The following FGF12 variants were observed in gnomAD, a reference collection of about 807,000 sequenced individuals.
The protein encoded by FGF12 is fibroblast growth factor 12, also known as fibroblast growth factor 12B.
FGF12 carries 14 observed loss-of-function variants against 23.6 expected under a neutral mutation model. The ratio of observed to expected loss-of-function variants is 0.59; its 90% CI spans 0.39 to 0.93. The LOEUF is 0.93. Among genes scored for constraint, FGF12 ranks in the 40% least tolerant of loss-of-function variants. FGF12 has a pLI of 0.00. For synonymous variants in FGF12, 62 were observed against 77.3 expected (o/e 0.80, Z 1.04); for missense variants, 175 against 217.8 (o/e 0.80, Z 1.24).
At chr3:192,719,621 G>A (rs2055635) in intron 2 of FGF12, among the ~76,000 whole-genome samples, 53,619 of 151,716 alleles carry the variant, frequency 0.35, 11,991 homozygotes, top group African/African-American at 0.62. Context: ...TGTTGAACAT[G>A]TTTTGAAATG....
At chr3:192,440,273 G>A (rs1211957952) in intron 2 of FGF12, among the ~76,000 whole-genome samples, 10 of 152,126 alleles carry the variant, frequency 6.6e-5, no homozygotes. Flanking sequence ...TGAGATAAAT[G>A]AAAAACACTG....
chr3:192,693,538 T>C (rs1270440675), intron 2 of FGF12, among the ~76,000 whole-genome samples: 1 of 151,878 alleles, frequency 6.6e-6, no homozygotes. Flanking sequence ...AAAAACAATA[T>C]AGTACTACCA....
intron 4 of FGF12, among the ~76,000 whole-genome samples, chr3:192,313,232 A>G (rs1020556804): frequency 3.9e-5 from 6 of 152,198 alleles, no homozygotes. Flanking sequence ...TTTTACTTCC[A>G]ATGCCTAAGA....
chr3:192,603,227 A>G (rs887079173), intron 2 of FGF12, among the ~76,000 whole-genome samples: 1 of 152,192 alleles, frequency 6.6e-6, no homozygotes, highest in Non-Finnish European at 1.5e-5. Flanking sequence ...CCAAATAGGA[A>G]AATAAGAAGT....
chr3:192,386,117 C>T (rs1386711276), intron 2 of FGF12, among the ~76,000 whole-genome samples: 2 of 152,204 alleles, frequency 1.3e-5, no homozygotes, highest in Admixed American at 1.3e-4. Context: ...AAATGACACA[C>T]ATCTAATTAG....
intron 4 of FGF12, among the ~76,000 whole-genome samples, chr3:192,191,777 A>G (rs566838373): frequency 6.0e-4 from 91 of 151,938 alleles, no homozygotes; most frequent in African/African-American, 2.1e-3. Context: ...TGGAGCTTGC[A>G]GTGAGCAGAG....
intron 4 of FGF12, among the ~76,000 whole-genome samples, chr3:192,329,148 C>A (rs1310566107): frequency 2.6e-5 from 4 of 152,076 alleles, no homozygotes; most frequent in African/African-American, 9.7e-5. Flanking sequence ...GCCCAGATAG[C>A]AAAGATGAAT....
At chr3:192,634,864 T>C (rs1178512548) in intron 2 of FGF12, among the ~76,000 whole-genome samples, 1 of 152,084 alleles carries the variant, frequency 6.6e-6, no homozygotes, top group Admixed American at 6.6e-5. Flanking sequence ...TGAGAATAAT[T>C]TTTTTTCTTT....
intron 4 of FGF12, among the ~76,000 whole-genome samples, chr3:192,178,535 G>A (rs1715988106): frequency 6.6e-6 from 1 of 151,870 alleles, no homozygotes; most frequent in Non-Finnish European, 1.5e-5. Context: ...GTCTCGCTCT[G>A]TCACCCAGGC....
intron 2 of FGF12, among the ~76,000 whole-genome samples, chr3:192,472,529 A>G (rs1378860198): frequency 6.6e-6 from 1 of 152,038 alleles, no homozygotes; most frequent in Non-Finnish European, 1.5e-5. Flanking sequence ...GTCTTCTGCT[A>G]GAGTCCAAAG....
At chr3:192,149,825 T>C (rs1466359628) in intron 5 of FGF12, among the ~76,000 whole-genome samples, 1 of 68,770 alleles carries the variant, frequency 1.5e-5, no homozygotes, top group African/African-American at 4.3e-5. Context: ...TTTGGGTATA[T>C]ACCCAGTAAT....
At chr3:192,280,396 C>T (rs1714072682) in intron 4 of FGF12, among the ~76,000 whole-genome samples, 1 of 151,980 alleles carries the variant, frequency 6.6e-6, no homozygotes, top group African/African-American at 2.4e-5. Context: ...CAATATTTTA[C>T]TTTCTCTCCA....
At chr3:192,180,285 C>T (rs1716099037) in intron 4 of FGF12, among the ~76,000 whole-genome samples, 1 of 152,160 alleles carries the variant, frequency 6.6e-6, no homozygotes, top group East Asian at 1.9e-4. Flanking sequence ...GGGAGAAAGC[C>T]AGTGGGTGAG....
intron 2 of FGF12, among the ~76,000 whole-genome samples, chr3:192,646,203 T>C (rs1715999563): frequency 7.3e-6 from 1 of 137,426 alleles, no homozygotes; most frequent in Non-Finnish European, 1.6e-5. Context: ...ATGTATAACT[T>C]GAGACACAAT....
chr3:192,527,784 C>T (rs374474900), intron 2 of FGF12, among the ~76,000 whole-genome samples: 1 of 152,142 alleles, frequency 6.6e-6, no homozygotes, highest in Non-Finnish European at 1.5e-5. Flanking sequence ...TATAGTTCCA[C>T]GTGGCTGGGG....
At position 192,336,918 on chromosome 3, in the gene FGF12, C is replaced by T. The variant is rs767847006; in HGVS notation, c.125-1454G>A. Among the ~76,000 whole-genome samples, 17 of 152,104 alleles carry T rather than the reference C, an allele frequency of 1.1e-4. No homozygotes were observed. Among genetic ancestry groups the T allele is most frequent in the Non-Finnish European group, 1.8e-4 (12 of 68,018 alleles). On this transcript the variant is annotated intron_variant, in intron 3 of 5. Transcript: ENST00000445105. This position sits in a 1 kb window ranked among gnomAD's most constrained non-coding sequence, Gnocchi z 4.3. ...GGATTCCATTCTTAGCTGTCGACAT[C>T]GGATCAGTCCTTTTGCCTCTTTGAA...
chr3:192,226,100 A>G (rs1718718823), intron 4 of FGF12, among the ~76,000 whole-genome samples: 1 of 152,124 alleles, frequency 6.6e-6, no homozygotes, highest in Admixed American at 6.6e-5. Flanking sequence ...CACCACCTGC[A>G]AAAAAACAAA....
intron 2 of FGF12, among the ~76,000 whole-genome samples, chr3:192,489,521 C>T (rs181752786): frequency 6.6e-6 from 1 of 152,064 alleles, no homozygotes; most frequent in East Asian, 1.9e-4. Flanking sequence ...CAACGCAAGC[C>T]AAACTTAATA....
At chr3:192,158,615 CTTCTTTCTTTCTCTCTGTTTT>C (rs1714661307) in intron 5 of FGF12, among the ~76,000 whole-genome samples, 2 of 52,660 alleles carry the variant, frequency 3.8e-5, no homozygotes, top group African/African-American at 1.6e-4. Flanking sequence ...TTTCTTCTTC[CTTCTTTCTTTCTCTCTGTTTT>C]TTCCCTCCCT....
Sources: allele counts gnomAD v4.1 joint callset (sites outside exome capture counted in the v4.1 genomes callset), GRCh38; gene constraint gnomAD v4.1.1; non-coding constraint Gnocchi (gnomAD v3.1); transcripts MANE v1.5; gene names NCBI Gene and HGNC (gene_info 2026-07-23, HGNC 2026-07-21).